Variants in GNAS observed in about 807,000 individuals in gnomAD.
The protein encoded by GNAS is protein ALEX.
In GNAS, 8 loss-of-function variants were observed where a neutral mutation model predicts 54.5. The observed-to-expected ratio is 0.15, with a 90% CI of 0.09 to 0.26. The LOEUF (loss-of-function observed/expected upper bound fraction) is 0.26, where lower values mean the gene tolerates loss of function less well. Among genes scored for constraint, GNAS ranks in the 10% least tolerant of loss-of-function variants. The probability of loss-of-function intolerance (pLI) is 1.00; values close to 1 mark genes in which losing one functional copy is unlikely to be tolerated. For missense variants in GNAS, 170 were observed against 529.8 expected (o/e 0.32, Z 6.67); for synonymous variants, 204 against 191.4 (o/e 1.07, Z -0.54).
At chr20:58,874,288 G>A (rs1039160084) in intron 1 of GNAS, among the ~76,000 whole-genome samples, 25 of 152,230 alleles carry the variant, frequency 1.6e-4, no homozygotes, top group African/African-American at 6.0e-4. Flanking sequence ...CCCAAGAGTG[G>A]TGCTGAGAAC....
intron 1 of GNAS, among the ~76,000 whole-genome samples, chr20:58,879,929 G>A (rs183364186): frequency 4.6e-5 from 7 of 152,134 alleles, no homozygotes; most frequent in South Asian, 4.1e-4. Context: ...GAAGCATTTC[G>A]CTTTTACAGA....
At chr20:58,840,433 C>T (rs575933995), upstream of GNAS, 3 of 1,613,354 alleles carry the variant, frequency 1.9e-6, no homozygotes, top group Admixed American at 3.3e-5. The surrounding 1 kb of genome is among the most constrained non-coding windows in gnomAD (Gnocchi z 6.0). Context: ...AGTTCGACTA[C>T]GAGACCGAGA....
intron 1 of GNAS, among the ~76,000 whole-genome samples, chr20:58,880,231 T>C (rs944830594): frequency 2.6e-5 from 4 of 152,148 alleles, no homozygotes; most frequent in African/African-American, 9.7e-5. Flanking sequence ...CCATTTTTAT[T>C]TGCAAATAGC....
intron 1 of GNAS, among the ~76,000 whole-genome samples, chr20:58,866,768 G>T (rs2087093438): frequency 6.7e-6 from 1 of 150,312 alleles, no homozygotes; most frequent in Admixed American, 6.6e-5. Context: ...TCAAACAAAG[G>T]AGATTTTTTT....
At chr20:58,858,977 C>T (rs1370558512) in intron 1 of GNAS, among the ~76,000 whole-genome samples, 1 of 152,084 alleles carries the variant, frequency 6.6e-6, no homozygotes, top group Non-Finnish European at 1.5e-5. Flanking sequence ...GAAATTCTAC[C>T]TTGGTTTTAA....
At chr20:58,854,647 C>T (rs1423116411) in intron 1 of GNAS, 34 of 1,531,460 alleles carry the variant, frequency 2.2e-5, no homozygotes, top group Non-Finnish European at 3.0e-5. Context: ...GCCCCTGACG[C>T]CCCAGCCGAT....
At position 58,853,898 on chromosome 20, in the gene GNAS, C is replaced by T. The variant is rs1233541305; in HGVS notation, c.43+13012C>T. 6.2e-7 allele frequency: 1 copy of T among 1,603,052 alleles called. No individual in the cohort carries two copies. The highest frequency in any genetic ancestry group is 1.1e-5 in the South Asian group (1 of 89,598). On this transcript the variant is annotated intron_variant, in intron 1 of 12. Transcript: ENST00000306090. This position sits in a 1 kb window ranked among gnomAD's most constrained non-coding sequence, Gnocchi z 4.4. The stretch of plus-strand genomic sequence containing the variant: ...AAGCCCTCAGGCCTGCAAAGGCTGG[C>T]TCCAGAGGAGGCTACAGCCCTCCCC...
intron 1 of GNAS, chr20:58,895,376 A>G (rs556311522): frequency 1.7e-4 from 90 of 524,136 alleles, no homozygotes; most frequent in African/African-American, 1.6e-3. Flanking sequence ...TAAAACCAGC[A>G]AACCTTAAAT....
Position 58,871,123 on chromosome 20 carries a change from C to T in GNAS, c.44-24489C>T, listed in dbSNP as rs558901457. Among the ~76,000 whole-genome samples the T allele has an allele frequency of 2.3e-4, 35 of 152,326 alleles. 1 individual carries two copies. The highest frequency in any genetic ancestry group is 1.5e-3 in the East Asian group (8 of 5,182). ...AGTTCTTTCACTTGTTCAGTCCTTT[C>T]GCTAGCGGGGAAGAGCAGGGAAAGA... On this transcript the variant is annotated intron_variant, in intron 1 of 12. Coordinates refer to the GNAS transcript ENST00000306090.
upstream of GNAS, among the ~76,000 whole-genome samples, chr20:58,890,054 C>A (rs983262897): frequency 2.0e-5 from 3 of 151,510 alleles, no homozygotes; most frequent in African/African-American, 7.3e-5. Context: ...TCGCGAAGAA[C>A]CCCAAGAACC....
At position 58,909,829 on chromosome 20, in the gene GNAS, C is replaced by T. The variant is rs1219520304; in HGVS notation, c.839+25C>T. 1.2e-6 allele frequency: 2 copies of T among 1,612,920 alleles called. No homozygotes were observed. The highest frequency in any genetic ancestry group is 1.7e-6 in the Non-Finnish European group (2 of 1,179,970). Reference sequence around the variant, plus strand: ...GGTTTGTGGAGTGACCGCCCACCCCCTGCGCTTGCCCAGGAGGCCCTGGTC... The same window carrying T: ...GGTTTGTGGAGTGACCGCCCACCCCTTGCGCTTGCCCAGGAGGCCCTGGTC... On this transcript the variant is annotated intron_variant, in intron 10 of 12. Transcript: ENST00000371085. The surrounding 1 kb of genome is among the most constrained non-coding windows in gnomAD (Gnocchi z 7.3).
intron 2 of GNAS, chr20:58,897,599 C>T (rs370776505): frequency 2.6e-5 from 4 of 152,172 alleles, no homozygotes; most frequent in Non-Finnish European, 4.4e-5. Context: ...AAAGGATTCT[C>T]CTCCCTAAGC....
At position 58,858,866 on chromosome 20, in the gene GNAS, A is replaced by G. The variant is rs555463766; in HGVS notation, c.43+17980A>G. Among the ~76,000 whole-genome samples, 18 of 152,180 alleles carry G rather than the reference A, an allele frequency of 1.2e-4. No homozygotes were observed. In the South Asian group the frequency reaches 3.7e-3, roughly 32 times the overall value. On this transcript the variant is annotated intron_variant, in intron 1 of 12. Transcript: ENST00000306090. ...GCCTCCACTGAGCTTTTGGTGTGGTAGGAAGGACATGGCTTATCAGGCCAC... is the reference window on the plus strand; with the variant it reads ...GCCTCCACTGAGCTTTTGGTGTGGTGGGAAGGACATGGCTTATCAGGCCAC...
intron 1 of GNAS, among the ~76,000 whole-genome samples, chr20:58,860,445 T>A (rs920871994): frequency 6.6e-6 from 1 of 152,190 alleles, no homozygotes; most frequent in African/African-American, 2.4e-5. Context: ...AAAATGCAGT[T>A]ACTTTTCTGC....
rs1230426503 is a variant in GNAS at position 58,903,498 on chromosome 20, T to C, written c.258-33T>C. ...AGTACTCCTAACTGACATGGTGCAA[T>C]ATGATTTTCTTTTCTTTTCAATCCC... On this transcript the variant is annotated intron_variant, in intron 3 of 12. Transcript: ENST00000371085. 4 of 1,569,106 alleles carry C rather than the reference T, an allele frequency of 2.5e-6. No homozygotes were observed. The South Asian group carries it at 4.4e-5, about 17-fold the overall frequency.
Position 58,841,148 on chromosome 20 carries a change from G to A in GNAS, c.43+262G>A, listed in dbSNP as rs910402426. Among the ~76,000 whole-genome samples the A allele has an allele frequency of 6.6e-6, 1 of 152,122 alleles. No individual in the cohort carries two copies. The highest frequency in any genetic ancestry group is 1.5e-5 in the Non-Finnish European group (1 of 68,020). On this transcript the variant is annotated intron_variant, in intron 1 of 12. Transcript: ENST00000306090. This position sits in a 1 kb window ranked among gnomAD's most constrained non-coding sequence, Gnocchi z 5.0. ...CCGCTGGAGACAACCTGAGGTCTCC[G>A]AGCTGGTGCCCCGGCTACGCGACTG...
chr20:58,881,775 T>C (rs182669330), intron 1 of GNAS: 75 of 152,340 alleles, frequency 4.9e-4, no homozygotes, highest in African/African-American at 1.8e-3. Flanking sequence ...AGTTTTTATT[T>C]CTTGGTGTTA....
chr20:58,892,047 G>C (rs2089444341), intron 1 of GNAS, 182 bp downstream of exon 1: 1 of 920,150 alleles, frequency 1.1e-6, no homozygotes, highest in Admixed American at 6.2e-5. Flanking sequence ...ATTCGGCCGG[G>C]CGGGGGCTCA....
upstream of GNAS, chr20:58,888,938 C>A (rs6026579): frequency 1.1e-5 from 3 of 274,700 alleles, no homozygotes; most frequent in Non-Finnish European, 1.7e-5. Flanking sequence ...GCGCCCACCG[C>A]CTTGGGCGCG....
Sources: gnomAD v4.1 joint callset for allele counts (sites outside exome capture counted in the v4.1 genomes callset) on GRCh38, gnomAD v4.1.1 for gene constraint, Gnocchi (gnomAD v3.1) non-coding constraint, MANE v1.5 for transcripts, NCBI Gene and HGNC (gene_info 2026-07-23, HGNC 2026-07-21) for gene names.